NCAM1: variants seen among roughly 807,000 people sequenced by gnomAD.
The protein encoded by NCAM1 is neural cell adhesion molecule 1, also known as antigen recognized by monoclonal antibody 5.1H11.
Under a neutral mutation model 109.8 loss-of-function variants are expected in NCAM1, and 14 were observed. The ratio of observed to expected loss-of-function variants is 0.13; its 90% confidence interval spans 0.08 to 0.20. The LOEUF (loss-of-function observed/expected upper bound fraction) is 0.20, where lower values mean the gene tolerates loss of function less well. Ranked by LOEUF, NCAM1 falls within the 10% of genes least tolerant of loss-of-function variation. The probability of loss-of-function intolerance (pLI) is 1.00; values close to 1 mark genes in which losing one functional copy is unlikely to be tolerated. For synonymous variants in NCAM1, 418 were observed against 442.9 expected, an observed-to-expected ratio of 0.94 and a Z score of 0.70; for missense variants, 774 against 1,109.9, an observed-to-expected ratio of 0.70 and a Z score of 4.30.
At chr11:113,107,924 C>G (rs1241546431) in intron 1 of NCAM1, among the ~76,000 whole-genome samples, 2 of 152,130 alleles carry the variant, frequency 1.3e-5, no homozygotes, top group African/African-American at 2.4e-5. Context: ...CCTGCATTAT[C>G]CTTTTGTCAG....
chr11:112,988,991 GC>G (rs1951391303), intron 1 of NCAM1, among the ~76,000 whole-genome samples: 1 of 152,034 alleles, frequency 6.6e-6, no homozygotes, highest in Non-Finnish European at 1.5e-5. Flanking sequence ...CAAGTGATAT[GC>G]CCACCTTGGC....
chr11:113,239,595 TC>T (rs1231322683), intron 14 of NCAM1, among the ~76,000 whole-genome samples: 2 of 136,506 alleles, frequency 1.5e-5, no homozygotes, highest in Non-Finnish European at 3.0e-5. Flanking sequence ...AAGCTCCGCC[TC>T]CCGGGTTCAC....
chr11:113,167,814 G>C (rs1942854987), intron 1 of NCAM1, among the ~76,000 whole-genome samples: 1 of 152,200 alleles, frequency 6.6e-6, no homozygotes, highest in South Asian at 2.1e-4. Flanking sequence ...TTTCTAGAAT[G>C]GATCCAGTGT....
intron 1 of NCAM1, among the ~76,000 whole-genome samples, chr11:113,104,503 G>A (rs190797163): frequency 2.0e-5 from 3 of 151,964 alleles, no homozygotes; most frequent in Admixed American, 6.6e-5. Flanking sequence ...AAAAAAACAC[G>A]CAGATCCAAT....
intron 1 of NCAM1, among the ~76,000 whole-genome samples, chr11:112,964,155 GTTTTTT>G (rs59178181): frequency 9.3e-6 from 1 of 107,466 alleles, no homozygotes; most frequent in Non-Finnish European, 1.7e-5. Context: ...TTTTTTTTTT[GTTTTTT>G]TTTTGGACTC....
intron 1 of NCAM1, among the ~76,000 whole-genome samples, chr11:113,062,143 C>T (rs1011611675): frequency 1.3e-5 from 2 of 152,074 alleles, no homozygotes; most frequent in Admixed American, 6.5e-5. Flanking sequence ...TTACCACTAG[C>T]GATGTTTAGT....
chr11:113,259,802 C>T (rs1448870008), intron 16 of NCAM1, among the ~76,000 whole-genome samples: 1 of 147,694 alleles, frequency 6.8e-6, no homozygotes, highest in African/African-American at 2.5e-5. Context: ...CTCCTGGGTT[C>T]AAGCCATTCT....
chr11:113,028,628 G>C (rs1168946530), intron 1 of NCAM1, among the ~76,000 whole-genome samples: 4 of 152,154 alleles, frequency 2.6e-5, no homozygotes, highest in African/African-American at 9.7e-5. Context: ...GCATTATAAA[G>C]TTATCTAGTG....
chr11:113,235,862 A>G (rs1452626361), intron 14 of NCAM1, among the ~76,000 whole-genome samples: 2 of 152,152 alleles, frequency 1.3e-5, no homozygotes, highest in African/African-American at 4.8e-5. Context: ...CCTTCCCACC[A>G]GCAGCCAGGC....
chr11:113,152,721 T>G (rs1414981656), intron 1 of NCAM1, among the ~76,000 whole-genome samples: 1 of 152,186 alleles, frequency 6.6e-6, no homozygotes, highest in Admixed American at 6.5e-5. Context: ...GTGCTGAATA[T>G]AAAAAGATTA....
chr11:113,061,241 C>T (rs1591292447), intron 1 of NCAM1, among the ~76,000 whole-genome samples: 1 of 152,042 alleles, frequency 6.6e-6, no homozygotes, highest in African/African-American at 2.4e-5. Context: ...AAGGTTTCCT[C>T]ATTTTTAAGC....
intron 10 of NCAM1, 49 bp from the exon 11 acceptor site, chr11:113,232,121 G>T (rs1189629647): frequency 6.7e-7 from 1 of 1,501,960 alleles, no homozygotes; most frequent in African/African-American, 1.4e-5. Context: ...GGATATGGGG[G>T]CTTCATAATC....
chr11:113,270,707 A>G (rs118107176), intron 18 of NCAM1, among the ~76,000 whole-genome samples: 1 of 152,116 alleles, frequency 6.6e-6, no homozygotes, highest in African/African-American at 2.4e-5. Flanking sequence ...AGGAGCTGCC[A>G]TGGGGTAGGG....
At chr11:113,146,390 G>T (rs1942018773) in intron 1 of NCAM1, among the ~76,000 whole-genome samples, 1 of 152,142 alleles carries the variant, frequency 6.6e-6, no homozygotes, top group Admixed American at 6.5e-5. Flanking sequence ...ATTGCTAAAT[G>T]AACCTGTTTG....
At chr11:113,229,757 A>G (rs1458588298) in intron 9 of NCAM1, among the ~76,000 whole-genome samples, 2 of 152,248 alleles carry the variant, frequency 1.3e-5, no homozygotes, top group African/African-American at 4.8e-5. Flanking sequence ...GCAGCCATAT[A>G]AAAGGATGAG....
At chr11:113,264,257 A>AT (rs1194085830) in intron 17 of NCAM1, 1 of 984,622 alleles carries the variant, frequency 1.0e-6, no homozygotes, top group Non-Finnish European at 1.2e-6. Flanking sequence ...TGTTGTTATT[A>AT]TTTTTTAATG....
chr11:113,258,156 C>T (rs782010032), intron 16 of NCAM1, among the ~76,000 whole-genome samples: 3 of 152,226 alleles, frequency 2.0e-5, no homozygotes, highest in Non-Finnish European at 2.9e-5. Flanking sequence ...ATGCAATAAA[C>T]ATCTATCAAG....
At chr11:112,999,544 C>T (rs183761052) in intron 1 of NCAM1, among the ~76,000 whole-genome samples, 12 of 151,964 alleles carry the variant, frequency 7.9e-5, no homozygotes, top group African/African-American at 2.9e-4. Context: ...AGTCTGTCTG[C>T]ATTTCATGTT....
At chr11:113,132,564 G>C (rs1217044220) in intron 1 of NCAM1, among the ~76,000 whole-genome samples, 2 of 151,460 alleles carry the variant, frequency 1.3e-5, no homozygotes, top group African/African-American at 4.9e-5. Context: ...AGCTTTAAGG[G>C]GGTTCAGATG....
Sources: gnomAD v4.1 joint callset for allele counts (sites outside exome capture counted in the v4.1 genomes callset) on GRCh38, gnomAD v4.1.1 for gene constraint, MANE v1.5 for transcripts, NCBI Gene and HGNC (gene_info 2026-07-23, HGNC 2026-07-21) for gene names.